Variants in LRP1B observed in about 807,000 individuals in gnomAD.
LRP1B encodes LDL receptor related protein 1B, also known as low-density lipoprotein receptor-related protein 1B.
Under a neutral mutation model 556.6 loss-of-function variants are expected in LRP1B, and 217 were observed. That is an observed-to-expected ratio of 0.39 (90% CI 0.35 to 0.44). The LOEUF (loss-of-function observed/expected upper bound fraction) is 0.44, where lower values mean the gene tolerates loss of function less well. LRP1B is among the 20% of genes least tolerant of loss of function. LRP1B has a pLI of 1.00. For missense variants in LRP1B, 5,053 were observed against 5,620.8 expected (o/e 0.90, Z 3.23); for synonymous variants, 2,047 against 1,865.8 (o/e 1.10, Z -2.50).
At chr2:141,256,861 C>G (rs1684483438) in intron 3 of LRP1B, among the ~76,000 whole-genome samples, 1 of 151,754 alleles carries the variant, frequency 6.6e-6, no homozygotes, top group Non-Finnish European at 1.5e-5. Flanking sequence ...AGCATAAAGT[C>G]GGTCATTGAA....
intron 15 of LRP1B, among the ~76,000 whole-genome samples, chr2:141,000,418 G>A (rs976015972): frequency 6.6e-6 from 1 of 152,098 alleles, no homozygotes; most frequent in African/African-American, 2.4e-5. Flanking sequence ...TTCAGTCTCA[G>A]GTTCTTAAGT....
chr2:140,298,823 A>C (rs1683704561), intron 83 of LRP1B, among the ~76,000 whole-genome samples: 1 of 152,140 alleles, frequency 6.6e-6, no homozygotes. Context: ...CTGAGTACAA[A>C]ATGAAATATG....
At chr2:141,364,502 G>T (rs1286048943) in intron 3 of LRP1B, among the ~76,000 whole-genome samples, 1 of 151,994 alleles carries the variant, frequency 6.6e-6, no homozygotes, top group East Asian at 1.9e-4. Flanking sequence ...TAATATAAAG[G>T]AACTGGAGTA....
intron 2 of LRP1B, among the ~76,000 whole-genome samples, chr2:141,565,253 C>G (rs1163604218): frequency 6.6e-6 from 1 of 152,090 alleles, no homozygotes; most frequent in African/African-American, 2.4e-5. Context: ...GGCTTAGTGT[C>G]TCCGGGTTGC....
intron 2 of LRP1B, among the ~76,000 whole-genome samples, chr2:141,613,514 G>A (rs1291277247): frequency 6.6e-6 from 1 of 152,014 alleles, no homozygotes; most frequent in Admixed American, 6.6e-5. Context: ...GATAATTCTG[G>A]ACTCCACTCT....
chr2:140,369,431 T>C (rs1682895688), intron 71 of LRP1B, among the ~76,000 whole-genome samples: 1 of 151,900 alleles, frequency 6.6e-6, no homozygotes, highest in South Asian at 2.1e-4. Flanking sequence ...TCCCCAAACC[T>C]TTGAACGCAA....
At chr2:141,760,828 A>G (rs910418173) in intron 2 of LRP1B, among the ~76,000 whole-genome samples, 6 of 152,244 alleles carry the variant, frequency 3.9e-5, no homozygotes, top group African/African-American at 1.2e-4. Context: ...CACTTGTAAC[A>G]TGGTGCTTTC....
chr2:140,254,413 CT>C (rs1286920378), intron 86 of LRP1B, among the ~76,000 whole-genome samples: 1 of 152,116 alleles, frequency 6.6e-6, no homozygotes, highest in Non-Finnish European at 1.5e-5. Flanking sequence ...ATGTTAGCTA[CT>C]TGAATATTTT....
In LRP1B at chr2:140,524,980, C is replaced by T. The variant is rs376864243; in HGVS notation, c.8026+864G>A. 5.5e-4 allele frequency among the ~76,000 whole-genome samples: 83 copies of T among 151,916 alleles called. 2 individuals are homozygous for T. The South Asian group carries it at 0.016, about 29-fold the overall frequency. Reference sequence around the variant, plus strand: ...ACAATTATATACATGATAAAAGAACCATCACAAATTTAGAAATAATAAATG... The same window carrying T: ...ACAATTATATACATGATAAAAGAACTATCACAAATTTAGAAATAATAAATG... On this transcript the variant is annotated intron_variant, in intron 49 of 90. Coordinates refer to ENST00000389484, the MANE Select transcript of LRP1B (RefSeq NM_018557.3).
chr2:141,562,525 A>C (rs1304963481), intron 2 of LRP1B, among the ~76,000 whole-genome samples: 3 of 151,940 alleles, frequency 2.0e-5, no homozygotes, highest in South Asian at 2.1e-4. Context: ...TGCATACTTA[A>C]TATTATCTCT....
chr2:141,985,752 G>T (rs1702169787), intron 1 of LRP1B, among the ~76,000 whole-genome samples: 1 of 151,654 alleles, frequency 6.6e-6, no homozygotes, highest in African/African-American at 2.4e-5. Flanking sequence ...ATATTTTTTA[G>T]CTCTACAGAT....
At chr2:140,581,199 G>T (rs1433096742) in intron 43 of LRP1B, among the ~76,000 whole-genome samples, 1 of 152,164 alleles carries the variant, frequency 6.6e-6, no homozygotes, top group Non-Finnish European at 1.5e-5. Flanking sequence ...TTGCATAATT[G>T]TCAAAATGAC....
At chr2:141,822,092 T>TACACACACACACACACAC (rs149899299) in intron 1 of LRP1B, among the ~76,000 whole-genome samples, 7 of 112,428 alleles carry the variant, frequency 6.2e-5, no homozygotes, top group African/African-American at 2.5e-4. Flanking sequence ...AAAAAATACA[T>TACACACACACACACACAC]ACACACACAC....
intron 1 of LRP1B, among the ~76,000 whole-genome samples, chr2:141,925,290 T>C (rs575280529): frequency 6.6e-6 from 1 of 152,324 alleles, no homozygotes; most frequent in South Asian, 2.1e-4. Flanking sequence ...CAGTTGCATA[T>C]GTTTTCCTGG....
intron 7 of LRP1B, among the ~76,000 whole-genome samples, chr2:141,084,267 T>A (rs1210686753): frequency 1.3e-5 from 2 of 152,174 alleles, no homozygotes; most frequent in African/African-American, 4.8e-5. Flanking sequence ...TTATGGAAAA[T>A]GATTGTACCT....
chr2:141,908,260 C>T (rs1182132635), intron 1 of LRP1B, among the ~76,000 whole-genome samples: 1 of 151,990 alleles, frequency 6.6e-6, no homozygotes, highest in Non-Finnish European at 1.5e-5. Flanking sequence ...AATGCCTGTT[C>T]ACATAATGAA....
chr2:141,205,385 G>C (rs552749575), intron 6 of LRP1B, among the ~76,000 whole-genome samples: 1 of 152,254 alleles, frequency 6.6e-6, no homozygotes. Flanking sequence ...TCATCCCATG[G>C]ACATAGGATA....
At chr2:142,089,460 C>T (rs115743932) in intron 1 of LRP1B, among the ~76,000 whole-genome samples, 2,491 of 152,172 alleles carry the variant, frequency 0.016, 70 homozygotes, top group African/African-American at 0.057. Flanking sequence ...CACAATGTTC[C>T]GATGGATTTT....
chr2:140,276,750 A>T (rs1558765111), intron 84 of LRP1B, among the ~76,000 whole-genome samples: 1 of 151,988 alleles, frequency 6.6e-6, no homozygotes, highest in East Asian at 2.0e-4. Context: ...TCTTTGCAAC[A>T]TTTTTTTACT....
Sources: gnomAD v4.1 joint callset for allele counts (sites outside exome capture counted in the v4.1 genomes callset) on GRCh38, gnomAD v4.1.1 for gene constraint, MANE v1.5 for transcripts, NCBI Gene and HGNC (gene_info 2026-07-23, HGNC 2026-07-21) for gene names.